Variants in GSTCD observed in about 807,000 individuals in gnomAD.
GSTCD encodes the protein glutathione S-transferase C-terminal domain containing.
GSTCD carries 44 observed loss-of-function variants against 68.3 expected under a neutral mutation model. The ratio of observed to expected loss-of-function variants is 0.64; its 90% CI spans 0.51 to 0.83. The LOEUF (loss-of-function observed/expected upper bound fraction) is 0.83. Ranked by LOEUF, GSTCD falls within the 40% of genes least tolerant of loss-of-function variation. GSTCD has a pLI of 0.00. For missense variants in GSTCD, 739 were observed against 735.9 expected, an observed-to-expected ratio of 1.00 and a Z score of -0.05; for synonymous variants, 273 against 255.2, an observed-to-expected ratio of 1.07 and a Z score of -0.67.
chr4:105,824,064 C>G (rs1006666347), intron 7 of GSTCD, among the ~76,000 whole-genome samples: 4 of 152,014 alleles, frequency 2.6e-5, no homozygotes, highest in Non-Finnish European at 5.9e-5. Flanking sequence ...TTAATACAAA[C>G]TCAACTGCAA....
At position 105,829,636 on chromosome 4, in the gene GSTCD, AC is replaced by A. The variant is rs201443108; in HGVS notation, c.1530+3841del. ...CATGAGAACAGCATGGGAAAGACCC[AC>A]CCCCATCATACAGTTACCTCCCACT... On this transcript the variant is annotated intron_variant, in intron 8 of 11. Coordinates refer to ENST00000515279, the MANE Select transcript of GSTCD (RefSeq NM_001370181.1). Among the ~76,000 whole-genome samples the A allele has an allele frequency of 9.1e-4, 138 of 152,146 alleles. 3 individuals carry two copies. In the East Asian group the frequency reaches 0.025, roughly 28 times the overall value.
intron 11 of GSTCD, among the ~76,000 whole-genome samples, chr4:105,843,217 C>G (rs1048984986): frequency 2.6e-5 from 4 of 152,284 alleles, no homozygotes; most frequent in African/African-American, 7.2e-5. Flanking sequence ...GACCTGAGAC[C>G]TGAGACTCAA....
At chr4:105,743,648 A>G (rs1733708382) in intron 5 of GSTCD, among the ~76,000 whole-genome samples, 1 of 145,916 alleles carries the variant, frequency 6.9e-6, no homozygotes, top group Non-Finnish European at 1.5e-5. Context: ...TAAAAACAGG[A>G]CATTCTTTTT....
chr4:105,799,535 C>T (rs2149260844), intron 5 of GSTCD, among the ~76,000 whole-genome samples: 2 of 152,048 alleles, frequency 1.3e-5, no homozygotes, highest in African/African-American at 4.8e-5. Context: ...TAGGGATGCC[C>T]AAGGAGAGGG....
chr4:105,827,111 A>G (rs187752017), intron 8 of GSTCD: 1 of 152,316 alleles, frequency 6.6e-6, no homozygotes, highest in East Asian at 1.9e-4. Context: ...ATTAAAAAAT[A>G]CCTGTGCAGC....
intron 1 of GSTCD, among the ~76,000 whole-genome samples, chr4:105,714,904 C>T (rs1215768431): frequency 9.2e-5 from 14 of 152,040 alleles, no homozygotes; most frequent in Admixed American, 6.6e-4. Flanking sequence ...TGCCTTACAA[C>T]GTGGCAAATA....
intron 5 of GSTCD, among the ~76,000 whole-genome samples, chr4:105,813,735 G>A (rs1336913845): frequency 1.3e-5 from 2 of 152,188 alleles, no homozygotes; most frequent in Non-Finnish European, 2.9e-5. Context: ...TTTATATGGA[G>A]TGCTTTTTCT....
intron 5 of GSTCD, among the ~76,000 whole-genome samples, chr4:105,802,706 CTCT>C (rs1384523765): frequency 1.3e-5 from 2 of 152,064 alleles, no homozygotes; most frequent in African/African-American, 4.8e-5. Context: ...TCTCTCTGTC[CTCT>C]TCTTTGCATT....
intron 5 of GSTCD, among the ~76,000 whole-genome samples, chr4:105,820,801 G>A (rs1723247257): frequency 1.3e-5 from 2 of 151,780 alleles, no homozygotes; most frequent in South Asian, 4.1e-4. Flanking sequence ...CAAAGATGCA[G>A]TATTAGCAAG....
intron 5 of GSTCD, among the ~76,000 whole-genome samples, chr4:105,735,378 G>A (rs542740564): frequency 2.2e-4 from 34 of 152,298 alleles, no homozygotes; most frequent in African/African-American, 7.9e-4. Context: ...GCAATGGCGG[G>A]CACCCCTTCC....
At chr4:105,840,962 G>T (rs939679389) in intron 10 of GSTCD, among the ~76,000 whole-genome samples, 2 of 152,076 alleles carry the variant, frequency 1.3e-5, no homozygotes, top group African/African-American at 2.4e-5. Context: ...GGATATCCCA[G>T]AAAACTACAG....
chr4:105,713,021 G>A (rs1439922142), intron 1 of GSTCD, among the ~76,000 whole-genome samples: 1 of 152,098 alleles, frequency 6.6e-6, no homozygotes, highest in Non-Finnish European at 1.5e-5. Context: ...CCCCATTAAT[G>A]AGTCAGGAAA....
At chr4:105,794,793 G>A (rs766517663) in intron 5 of GSTCD, among the ~76,000 whole-genome samples, 13 of 150,774 alleles carry the variant, frequency 8.6e-5, no homozygotes, top group African/African-American at 2.9e-4. Flanking sequence ...TTTCTACCAC[G>A]TTTGTTTTTA....
intron 5 of GSTCD, among the ~76,000 whole-genome samples, chr4:105,777,210 T>C (rs1193622609): frequency 1.3e-5 from 2 of 152,224 alleles, no homozygotes; most frequent in African/African-American, 4.8e-5. Context: ...GATAGTGAAT[T>C]GATTCAGAAT....
In GSTCD at chr4:105,717,812, C is replaced by G; in HGVS notation, c.199C>G (p.Leu67Val). ...SRDSSLLRDD[L>V]IQDVEIQIIS... The stretch of plus-strand genomic sequence containing the variant: ...AGATAGTTCACTACTAAGAGATGAC[C>G]TGATCCAGGATGTTGAAATACAGAT... Residue 67 changes from leucine (L) to valine (V), a missense_variant, in exon 2 of 12, where the codon CTG (leucine) becomes GTG (valine). Coordinates refer to ENST00000515279, the MANE Select transcript of GSTCD (RefSeq NM_001370181.1). 1 of 1,613,890 alleles carries G rather than the reference C, an allele frequency of 6.2e-7. No individual in the cohort carries two copies. Among genetic ancestry groups the G allele is most frequent in the Non-Finnish European group, 8.5e-7 (1 of 1,179,856 alleles).
In GSTCD at chr4:105,845,883, A is replaced by G. The variant is rs895981091; in HGVS notation, c.*306A>G. The stretch of plus-strand genomic sequence containing the variant: ...ATAACAATTTCCTTCTCACTTCACA[A>G]GCTCCTCTGATCTTGCCAATGTGAT... On this transcript the variant is annotated 3_prime_UTR_variant, in exon 12 of 12. Transcript: ENST00000515279. 9.9e-6 allele frequency: 3 copies of G among 302,384 alleles called. No individual in the cohort carries two copies. Among genetic ancestry groups the G allele is most frequent in the Middle Eastern group, 1.0e-3 (1 of 966 alleles). 18.7% of individuals were successfully genotyped at this position (302,384 alleles called of 1,614,324 possible).
Position 105,768,136 on chromosome 4 carries a change from CGCCATTCTCCTGCTCAGAGTA to C in GSTCD, c.1240+38640_1240+38660del, listed in dbSNP as rs1304846395. Among the ~76,000 whole-genome samples, 165 of 151,938 alleles carry C rather than the reference CGCCATTCTCCTGCTCAGAGTA, an allele frequency of 1.1e-3. 3 individuals carry two copies. Among genetic ancestry groups the C allele is most frequent in the East Asian group, 9.7e-4 (5 of 5,154 alleles). On this transcript the variant is annotated intron_variant, in intron 5 of 11. Coordinates refer to ENST00000515279, the MANE Select transcript of GSTCD (RefSeq NM_001370181.1). ...CTGCAAGCTCCACCTGCCGGGTTCC[CGCCATTCTCCTGCTCAGAGTA>C]GCTGGGACTACAGGCGCCCACCACC...
At chr4:105,813,369 G>T (rs1722830871) in intron 5 of GSTCD, among the ~76,000 whole-genome samples, 1 of 152,124 alleles carries the variant, frequency 6.6e-6, no homozygotes, top group Non-Finnish European at 1.5e-5. Context: ...GTGCAGACAT[G>T]ATGCAACAAG....
Position 105,726,666 on chromosome 4 carries a change from G to A in GSTCD, c.982G>A (p.Val328Ile). 6.2e-7 allele frequency: 1 copy of A among 1,613,880 alleles called. No individual in the cohort carries two copies. ...CCAGAGGATTCAGGAAGTGCCAGGA[G>A]TAAAAACAGCAGCTTCTAAGTGTGG... Reference protein sequence around the residue: ...WYQRIQEVPGVKTAASKCGIQ... With the variant: ...WYQRIQEVPGIKTAASKCGIQ... The change falls in exon 4 of 12, where the codon GTA (valine) becomes ATA (isoleucine). Residue 328 changes from valine to isoleucine, a missense_variant. Val to Ile is a conservative substitution (Grantham distance 29). Coordinates refer to ENST00000515279, the MANE Select transcript of GSTCD (RefSeq NM_001370181.1).
Sources: allele counts gnomAD v4.1 joint callset (sites outside exome capture counted in the v4.1 genomes callset), GRCh38; gene constraint gnomAD v4.1.1; transcripts MANE v1.5; gene names NCBI Gene and HGNC (gene_info 2026-07-23, HGNC 2026-07-21).